The following ASTN2 variants were observed in gnomAD, a reference collection of about 807,000 sequenced individuals.
The protein encoded by ASTN2 is astrotactin-2.
A neutral mutation model predicts 139.8 loss-of-function variants in ASTN2; 54 were observed. The ratio of observed to expected loss-of-function variants is 0.39; its 90% CI spans 0.31 to 0.48. The LOEUF is 0.48. Among genes scored for constraint, ASTN2 ranks in the 20% least tolerant of loss-of-function variants. The probability of loss-of-function intolerance (pLI) is 0.95; values close to 1 mark genes in which losing one functional copy is unlikely to be tolerated. For missense variants in ASTN2, 1,565 were observed against 1,725.1 expected (o/e 0.91, Z 1.64); for synonymous variants, 756 against 719.5 (o/e 1.05, Z -0.81).
At chr9:117,409,652 T>C (rs562248579) in intron 1 of ASTN2, among the ~76,000 whole-genome samples, 1 of 152,182 alleles carries the variant, frequency 6.6e-6, no homozygotes, top group Non-Finnish European at 1.5e-5. Context: ...GACTTTTCTT[T>C]AGGGACAGGG....
intron 19 of ASTN2, among the ~76,000 whole-genome samples, chr9:116,522,819 A>G (rs1850936378): frequency 6.6e-6 from 1 of 152,132 alleles, no homozygotes; most frequent in African/African-American, 2.4e-5. Context: ...TAGCAAGTAA[A>G]CCCTGAGCAA....
intron 19 of ASTN2, among the ~76,000 whole-genome samples, chr9:116,586,664 G>A (rs1357676012): frequency 1.3e-5 from 2 of 151,868 alleles, no homozygotes; most frequent in Non-Finnish European, 2.9e-5. Context: ...GGAGAGATCC[G>A]GCTCAAAAAC....
At chr9:117,011,904 T>C (rs1037668177) in intron 6 of ASTN2, among the ~76,000 whole-genome samples, 1 of 152,218 alleles carries the variant, frequency 6.6e-6, no homozygotes, top group African/African-American at 2.4e-5. Flanking sequence ...AGTTGCTTTT[T>C]ATGGTCCTTT....
chr9:117,126,260 T>G (rs1455339284), intron 4 of ASTN2, among the ~76,000 whole-genome samples: 2 of 152,170 alleles, frequency 1.3e-5, no homozygotes, highest in African/African-American at 2.4e-5. Context: ...ACACAGGTAA[T>G]GTGAATGCAA....
chr9:116,595,219 A>T (rs932549650), intron 19 of ASTN2, among the ~76,000 whole-genome samples: 1 of 152,208 alleles, frequency 6.6e-6, no homozygotes, highest in African/African-American at 2.4e-5. Flanking sequence ...ATAAATGCTG[A>T]CTATCTTCTC....
intron 10 of ASTN2, among the ~76,000 whole-genome samples, chr9:116,883,214 G>A (rs115680789): frequency 7.9e-5 from 12 of 152,254 alleles, no homozygotes; most frequent in African/African-American, 2.4e-4. Context: ...TTAAAATCAT[G>A]ATTTCTATGT....
At chr9:116,479,786 C>T (rs1287769958) in intron 20 of ASTN2, among the ~76,000 whole-genome samples, 1 of 152,182 alleles carries the variant, frequency 6.6e-6, no homozygotes, top group Non-Finnish European at 1.5e-5. Flanking sequence ...CCCATTTGGG[C>T]ATGGATCTTT....
intron 5 of ASTN2, among the ~76,000 whole-genome samples, chr9:117,049,084 C>T (rs531241414): frequency 6.7e-6 from 1 of 150,224 alleles, no homozygotes; most frequent in East Asian, 2.0e-4. Flanking sequence ...TCTCCTCCCT[C>T]AGCCTCCTGA....
At chr9:116,637,832 T>G (rs1347551419) in intron 17 of ASTN2, among the ~76,000 whole-genome samples, 3 of 152,078 alleles carry the variant, frequency 2.0e-5, no homozygotes, top group Non-Finnish European at 4.4e-5. Flanking sequence ...CCCAGCTACT[T>G]GAGAGGCTGA....
intron 10 of ASTN2, among the ~76,000 whole-genome samples, chr9:116,877,954 A>G (rs956785186): frequency 6.6e-6 from 1 of 152,256 alleles, no homozygotes; most frequent in Non-Finnish European, 1.5e-5. Context: ...AACATATGAA[A>G]AAAAGCTCAA....
chr9:116,851,298 T>C (rs749418109), intron 11 of ASTN2, among the ~76,000 whole-genome samples: 7 of 152,072 alleles, frequency 4.6e-5, no homozygotes, highest in African/African-American at 1.7e-4. Context: ...AGGGTTACAA[T>C]TGGAAATGGA....
intron 19 of ASTN2, among the ~76,000 whole-genome samples, chr9:116,506,693 T>A (rs1850125415): frequency 6.6e-6 from 1 of 152,080 alleles, no homozygotes; most frequent in African/African-American, 2.4e-5. Context: ...CCCCAAAAAG[T>A]CAGGCAGGAG....
At chr9:117,101,168 C>T (rs951030187) in intron 4 of ASTN2, among the ~76,000 whole-genome samples, 4 of 152,066 alleles carry the variant, frequency 2.6e-5, no homozygotes, top group African/African-American at 9.7e-5. Context: ...TTTGAGGTGC[C>T]CCCTGACTCT....
chr9:117,237,995 C>T (rs1433881716), intron 2 of ASTN2, among the ~76,000 whole-genome samples: 1 of 152,170 alleles, frequency 6.6e-6, no homozygotes, highest in Admixed American at 6.5e-5. Flanking sequence ...GAGGCTGACA[C>T]TGGGGCTGCC....
At chr9:117,167,777 A>G (rs73657681) in intron 3 of ASTN2, among the ~76,000 whole-genome samples, 66 of 152,244 alleles carry the variant, frequency 4.3e-4, no homozygotes, top group African/African-American at 1.5e-3. Flanking sequence ...CATGAATGCC[A>G]TGCACTGCAC....
intron 1 of ASTN2, among the ~76,000 whole-genome samples, chr9:117,328,951 G>A (rs1260520447): frequency 6.6e-6 from 1 of 152,192 alleles, no homozygotes; most frequent in African/African-American, 2.4e-5. Flanking sequence ...AGGTTTGGAT[G>A]CCATCGAAGG....
chr9:117,187,840 A>G (rs1831241714), intron 3 of ASTN2, among the ~76,000 whole-genome samples: 2 of 152,224 alleles, frequency 1.3e-5, no homozygotes, highest in Admixed American at 1.3e-4. Context: ...ATGGAACAAT[A>G]ACATTGCTAT....
intron 5 of ASTN2, among the ~76,000 whole-genome samples, chr9:117,043,654 A>C (rs763215992): frequency 7.2e-5 from 11 of 152,156 alleles, no homozygotes; most frequent in Non-Finnish European, 1.5e-4. Context: ...CACGCCTATA[A>C]TCCCAGCACT....
At chr9:116,820,980 A>G (rs1831469445) in intron 11 of ASTN2, among the ~76,000 whole-genome samples, 197 bp from the exon 12 acceptor site, 1 of 152,148 alleles carries the variant, frequency 6.6e-6, no homozygotes, top group South Asian at 2.1e-4. Context: ...CCACCTGTAA[A>G]ATGGGACTTT....
Sources: allele counts gnomAD v4.1 joint callset (sites outside exome capture counted in the v4.1 genomes callset), GRCh38; gene constraint gnomAD v4.1.1; transcripts MANE v1.5; gene names NCBI Gene and HGNC (gene_info 2026-07-23, HGNC 2026-07-21).